ADGB: variants seen among roughly 807,000 people sequenced by gnomAD.
ADGB encodes calpain-7-like protein.
ADGB carries 172 observed loss-of-function variants against 210.5 expected under a neutral mutation model. The ratio of observed to expected loss-of-function variants is 0.82; its 90% CI spans 0.72 to 0.93. The LOEUF is 0.93. ADGB is among the 40% of genes least tolerant of loss of function. ADGB has a pLI of 0.00. For missense variants in ADGB, 2,025 were observed against 1,964.8 expected, an observed-to-expected ratio of 1.03 and a Z score of -0.58; for synonymous variants, 658 against 662.7, an observed-to-expected ratio of 0.99 and a Z score of 0.11.
intron 29 of ADGB, 103 bp from the exon 30 acceptor site, chr6:146,781,917 T>G: frequency 1.2e-6 from 1 of 800,924 alleles, no homozygotes; most frequent in Non-Finnish European, 1.7e-6. Flanking sequence ...AATACAAATC[T>G]ATTAGCTTAA....
intron 35 of ADGB, among the ~76,000 whole-genome samples, chr6:146,813,473 T>C (rs1293505543): frequency 6.6e-6 from 1 of 152,168 alleles, no homozygotes; most frequent in African/African-American, 2.4e-5. Context: ...TCGGTCACTT[T>C]GTATGTGTAT....
intron 21 of ADGB, among the ~76,000 whole-genome samples, chr6:146,733,531 A>G (rs1777034615): frequency 6.6e-6 from 1 of 152,084 alleles, no homozygotes; most frequent in African/African-American, 2.4e-5. Flanking sequence ...ACTAATCTAT[A>G]TGGTTTGATT....
chr6:146,716,073 A>G (rs1040426521), intron 14 of ADGB, among the ~76,000 whole-genome samples: 17 of 147,406 alleles, frequency 1.2e-4, no homozygotes, highest in Non-Finnish European at 2.3e-4. Flanking sequence ...AAAAAAAAAA[A>G]TGGTATGCCA....
chr6:146,757,041 T>G (rs1209175596), intron 27 of ADGB, among the ~76,000 whole-genome samples: 2 of 152,086 alleles, frequency 1.3e-5, no homozygotes, highest in South Asian at 4.1e-4. Flanking sequence ...TTTGAATGCC[T>G]GTAATGATTT....
intron 12 of ADGB, among the ~76,000 whole-genome samples, chr6:146,696,372 AG>A (rs1450441472): frequency 6.7e-6 from 1 of 149,580 alleles, no homozygotes; most frequent in African/African-American, 2.6e-5. Context: ...CACAGTGCCC[AG>A]CCAGAAATAC....
At chr6:146,758,059 C>A (rs1026766290) in intron 27 of ADGB, among the ~76,000 whole-genome samples, 2 of 152,020 alleles carry the variant, frequency 1.3e-5, no homozygotes, top group Non-Finnish European at 2.9e-5. Context: ...TTGAGCATGT[C>A]TTCTTTCTTC....
At chr6:146,683,474 C>T (rs184076619) in intron 9 of ADGB, among the ~76,000 whole-genome samples, 167 of 152,096 alleles carry the variant, frequency 1.1e-3, no homozygotes, top group Middle Eastern at 6.8e-3. Context: ...TAATCTGTGC[C>T]CATGCTATAC....
chr6:146,674,825 G>A (rs764285371), intron 8 of ADGB, among the ~76,000 whole-genome samples: 5 of 152,064 alleles, frequency 3.3e-5, no homozygotes, highest in Non-Finnish European at 5.9e-5. Context: ...ACACATTTTG[G>A]TGAGCACTGT....
chr6:146,761,838 G>A (rs1415500010), intron 27 of ADGB, among the ~76,000 whole-genome samples: 2 of 152,052 alleles, frequency 1.3e-5, no homozygotes, highest in South Asian at 2.1e-4. Context: ...TCAACATATT[G>A]TCTAGGTCAT....
intron 30 of ADGB, among the ~76,000 whole-genome samples, chr6:146,782,952 A>G (rs1256615968): frequency 6.6e-6 from 1 of 152,234 alleles, no homozygotes; most frequent in Non-Finnish European, 1.5e-5. Context: ...CAGGACTGGA[A>G]CTAGGGGTAT....
At chr6:146,677,011 G>A (rs981420289) in intron 9 of ADGB, among the ~76,000 whole-genome samples, 5 of 152,240 alleles carry the variant, frequency 3.3e-5, no homozygotes, top group Non-Finnish European at 7.4e-5. Flanking sequence ...CTATTTTTGT[G>A]AAAATGCTAG....
chr6:146,710,763 TA>T (rs1776647596), intron 13 of ADGB, among the ~76,000 whole-genome samples: 1 of 152,152 alleles, frequency 6.6e-6, no homozygotes, highest in Admixed American at 6.5e-5. Flanking sequence ...AAGATAATCA[TA>T]AAAAATAGCC....
chr6:146,677,031 A>G (rs532817391), intron 9 of ADGB, among the ~76,000 whole-genome samples: 30 of 152,306 alleles, frequency 2.0e-4, no homozygotes, highest in Middle Eastern at 6.8e-3. Flanking sequence ...GGGTTTCTCT[A>G]TCACTTAAAA....
intron 7 of ADGB, among the ~76,000 whole-genome samples, chr6:146,667,430 C>A (rs2114897547): frequency 6.6e-6 from 1 of 152,078 alleles, no homozygotes; most frequent in African/African-American, 2.4e-5. Context: ...GAGTGAGGGG[C>A]AGGATACCTC....
At chr6:146,735,738 A>G (rs774413498) in intron 22 of ADGB, among the ~76,000 whole-genome samples, 5 of 152,158 alleles carry the variant, frequency 3.3e-5, no homozygotes, top group African/African-American at 4.8e-5. Flanking sequence ...TACTTCATAG[A>G]GTTTGTGTTC....
At chr6:146,768,402 A>T (rs1246711769) in intron 28 of ADGB, among the ~76,000 whole-genome samples, 1 of 152,190 alleles carries the variant, frequency 6.6e-6, no homozygotes, top group Non-Finnish European at 1.5e-5. Flanking sequence ...TGGAACAATA[A>T]GAGAAAGTAA....
chr6:146,656,963 G>T lies in ADGB; in HGVS notation c.595G>T (p.Val199Leu). 1 of 1,550,964 alleles carries T rather than the reference G, an allele frequency of 6.4e-7. No individual in the cohort carries two copies. The highest frequency in any genetic ancestry group is 8.7e-7 in the Non-Finnish European group (1 of 1,146,466). Residue 199 changes from valine (V) to leucine (L), a missense_variant, in exon 5 of 36, where the codon GTG becomes TTG. Transcript: ENST00000397944. The stretch of plus-strand genomic sequence containing the variant: ...GTTCAATAGCTATGGAAAGTATGTT[G>T]TGAAACTTTACTGGATGGTAAGTCC... ...PLFNSYGKYV[V>L]KLYWMGCWRK...
At chr6:146,807,950 C>G (rs1440308764) in intron 35 of ADGB, 1 of 144,748 alleles carries the variant, frequency 6.9e-6, no homozygotes, top group Non-Finnish European at 1.5e-5. Flanking sequence ...GAAATTTAGT[C>G]TTAAACTTTA....
chr6:146,648,798 T>C (rs1459275463), intron 3 of ADGB, among the ~76,000 whole-genome samples: 1 of 151,704 alleles, frequency 6.6e-6, no homozygotes, highest in Non-Finnish European at 1.5e-5. Context: ...TATTTTTAAA[T>C]AAGAAGAAAA....
Sources: allele counts gnomAD v4.1 joint callset (sites outside exome capture counted in the v4.1 genomes callset), GRCh38; gene constraint gnomAD v4.1.1; transcripts MANE v1.5; gene names NCBI Gene and HGNC (gene_info 2026-07-23, HGNC 2026-07-21).